Variants in ANKS1B observed in about 807,000 individuals in gnomAD.
ANKS1B encodes ankyrin repeat and sterile alpha motif domain-containing protein 1B.
A neutral mutation model predicts 148.3 loss-of-function variants in ANKS1B; 36 were observed. The ratio of observed to expected loss-of-function variants is 0.24; its 90% CI spans 0.19 to 0.32. ANKS1B has a LOEUF of 0.32. Ranked by LOEUF, ANKS1B falls within the 10% of genes least tolerant of loss-of-function variation. ANKS1B has a pLI of 1.00. For synonymous variants in ANKS1B, 542 were observed against 560.8 expected (o/e 0.97, Z 0.47); for missense variants, 1,157 against 1,542.6 (o/e 0.75, Z 4.19).
At chr12:99,146,684 T>G (rs926019339) in intron 15 of ANKS1B, among the ~76,000 whole-genome samples, 8 of 152,102 alleles carry the variant, frequency 5.3e-5, no homozygotes, top group African/African-American at 1.4e-4. Flanking sequence ...CAGAAACCCT[T>G]CATGTAGCCA....
At chr12:99,283,058 T>C (rs1012445466) in intron 12 of ANKS1B, among the ~76,000 whole-genome samples, 1 of 152,186 alleles carries the variant, frequency 6.6e-6, no homozygotes, top group African/African-American at 2.4e-5. Flanking sequence ...AGGAAGCAGC[T>C]GGGGATGTCA....
At chr12:99,240,061 C>G (rs577256518) in intron 14 of ANKS1B, among the ~76,000 whole-genome samples, 1 of 152,070 alleles carries the variant, frequency 6.6e-6, no homozygotes, top group Non-Finnish European at 1.5e-5. Flanking sequence ...TCAAAGATAA[C>G]AATATTAACC....
rs545162533 is a variant in ANKS1B, at chr12:99,352,410, G to A, written c.1756+47221C>T. Among the ~76,000 whole-genome samples, 10 of 151,938 alleles carry A rather than the reference G, an allele frequency of 6.6e-5. No individual in the cohort carries two copies. In the South Asian group the frequency reaches 1.9e-3, roughly 28 times the overall value. On this transcript the variant is annotated intron_variant, in intron 12 of 26. Coordinates refer to ENST00000683438, the MANE Select transcript of ANKS1B (RefSeq NM_001352186.2). ...AAGCATTCTGATGAGGATCTGGGAG[G>A]GGGGAGTCTGCTATGAGAACAGCTT...
intron 14 of ANKS1B, among the ~76,000 whole-genome samples, chr12:99,199,337 A>G (rs1250176718): frequency 6.6e-6 from 1 of 152,214 alleles, no homozygotes; most frequent in Non-Finnish European, 1.5e-5. Flanking sequence ...GACAAAAGTC[A>G]CTATAAACTA....
chr12:99,453,503 A>T (rs1478302093), intron 10 of ANKS1B, among the ~76,000 whole-genome samples: 1 of 152,138 alleles, frequency 6.6e-6, no homozygotes, highest in Non-Finnish European at 1.5e-5. Flanking sequence ...AGCCCACCAG[A>T]AACTGAACCT....
chr12:99,614,261 C>T (rs1313010373), intron 9 of ANKS1B, among the ~76,000 whole-genome samples: 3 of 151,836 alleles, frequency 2.0e-5, no homozygotes, highest in Admixed American at 2.0e-4. Context: ...ATGGCAAAAC[C>T]CCGTCTCTAC....
intron 17 of ANKS1B, among the ~76,000 whole-genome samples, chr12:98,867,675 T>A (rs534868785): frequency 0.022 from 3,337 of 151,942 alleles, 126 homozygotes; most frequent in African/African-American, 0.075. Flanking sequence ...CCTGGCTTCA[T>A]CCTGGTGAAA....
rs542173195 is a variant in ANKS1B at position 98,887,022 on chromosome 12, G to A, written c.2779-54886C>T. Among the ~76,000 whole-genome samples, 31 of 152,276 alleles carry A rather than the reference G, an allele frequency of 2.0e-4. No individual in the cohort carries two copies. The Middle Eastern group carries it at 0.014, about 67-fold the overall frequency. ...ATGAATCAAAGAACTCAGTCAGAAT[G>A]AAGAAGATATACTAAAGGGCTGGGA... On this transcript the variant is annotated intron_variant, in intron 17 of 26. Coordinates refer to ENST00000683438, the MANE Select transcript of ANKS1B (RefSeq NM_001352186.2).
intron 1 of ANKS1B, among the ~76,000 whole-genome samples, chr12:99,876,051 T>C (rs2153732648): frequency 6.6e-6 from 1 of 152,236 alleles, no homozygotes; most frequent in East Asian, 1.9e-4. Context: ...CAGCAATATG[T>C]AAACTGCTTC....
chr12:98,929,021 C>A (rs559108233), intron 17 of ANKS1B, among the ~76,000 whole-genome samples: 1 of 150,172 alleles, frequency 6.7e-6, no homozygotes, highest in East Asian at 2.0e-4. Context: ...ATTACGTGAT[C>A]GTTATATAGA....
intron 17 of ANKS1B, among the ~76,000 whole-genome samples, chr12:98,891,776 T>C (rs2099753282): frequency 6.6e-6 from 1 of 152,202 alleles, no homozygotes; most frequent in Non-Finnish European, 1.5e-5. Flanking sequence ...TATTGATATA[T>C]ACTGCTATTA....
chr12:99,371,438 G>A (rs955739440), intron 12 of ANKS1B, among the ~76,000 whole-genome samples: 1 of 152,072 alleles, frequency 6.6e-6, no homozygotes, highest in Non-Finnish European at 1.5e-5. Context: ...GATAAGACAT[G>A]TGAGAAGAAG....
At chr12:99,420,045 C>T (rs2095036186) in intron 11 of ANKS1B, among the ~76,000 whole-genome samples, 1 of 152,098 alleles carries the variant, frequency 6.6e-6, no homozygotes, top group East Asian at 1.9e-4. Context: ...TTCAGGTATC[C>T]TACCTTTTTT....
intron 9 of ANKS1B, among the ~76,000 whole-genome samples, chr12:99,608,867 G>A (rs1219431548): frequency 6.6e-6 from 1 of 152,030 alleles, no homozygotes; most frequent in Non-Finnish European, 1.5e-5. Flanking sequence ...ACCAACAAAT[G>A]GAGGAGGGAA....
intron 15 of ANKS1B, among the ~76,000 whole-genome samples, chr12:99,128,269 C>T (rs1242963642): frequency 6.6e-6 from 1 of 152,142 alleles, no homozygotes; most frequent in Non-Finnish European, 1.5e-5. Context: ...ACAGTAGCTG[C>T]ATACTGTAAT....
At chr12:99,828,242 T>C (rs1023878126) in intron 1 of ANKS1B, among the ~76,000 whole-genome samples, 1 of 152,174 alleles carries the variant, frequency 6.6e-6, no homozygotes, top group Non-Finnish European at 1.5e-5. Context: ...CTGGCACAGA[T>C]AAAATGCATG....
At chr12:99,981,744 C>G (rs2095705298) in intron 1 of ANKS1B, among the ~76,000 whole-genome samples, 1 of 152,040 alleles carries the variant, frequency 6.6e-6, no homozygotes, top group African/African-American at 2.4e-5. Flanking sequence ...AAGGCTGACA[C>G]AAGAATTGAA....
At chr12:99,153,890 A>G (rs1256886484) in intron 15 of ANKS1B, among the ~76,000 whole-genome samples, 1 of 152,214 alleles carries the variant, frequency 6.6e-6, no homozygotes, top group Non-Finnish European at 1.5e-5. Context: ...CTCATTAACC[A>G]CTAAATGCTG....
chr12:98,976,092 C>T (rs149477583), intron 17 of ANKS1B, among the ~76,000 whole-genome samples: 96 of 152,232 alleles, frequency 6.3e-4, no homozygotes, highest in African/African-American at 1.9e-3. Context: ...GTCTATAAGA[C>T]AAAAGAAGGA....
Sources: gnomAD v4.1 joint callset for allele counts (sites outside exome capture counted in the v4.1 genomes callset) on GRCh38, gnomAD v4.1.1 for gene constraint, MANE v1.5 for transcripts, NCBI Gene and HGNC (gene_info 2026-07-23, HGNC 2026-07-21) for gene names.